The following LRFN5 variants were observed in gnomAD, a reference collection of about 807,000 sequenced individuals.
The protein encoded by LRFN5 is leucine-rich repeat and fibronectin type-III domain-containing protein 5.
A neutral mutation model predicts 45.6 loss-of-function variants in LRFN5; 24 were observed. That is an observed-to-expected ratio of 0.53 (90% confidence interval 0.38 to 0.74). The LOEUF (loss-of-function observed/expected upper bound fraction) is 0.74, where lower values mean the gene tolerates loss of function less well. LRFN5 is among the 30% of genes least tolerant of loss of function. The pLI is 0.00. For missense variants in LRFN5, 776 were observed against 861.5 expected (o/e 0.90, Z 1.24); for synonymous variants, 340 against 313.8 (o/e 1.08, Z -0.88).
chr14:41,679,081 C>T (rs1406345814), intron 1 of LRFN5, among the ~76,000 whole-genome samples: 1 of 152,032 alleles, frequency 6.6e-6, no homozygotes, highest in East Asian at 1.9e-4. Flanking sequence ...AGAGGGGAAT[C>T]ATCAATCCCA....
intron 2 of LRFN5, among the ~76,000 whole-genome samples, chr14:41,876,862 T>C (rs142263442): frequency 6.6e-6 from 1 of 152,276 alleles, no homozygotes; most frequent in Non-Finnish European, 1.5e-5. Context: ...GAGACACTTG[T>C]TGAAATCACT....
intron 2 of LRFN5, among the ~76,000 whole-genome samples, chr14:41,769,226 G>A (rs1046033661): frequency 6.6e-6 from 1 of 152,262 alleles, no homozygotes; most frequent in African/African-American, 2.4e-5. Flanking sequence ...ACAGTGAATG[G>A]AGTAGTAGTA....
intron 2 of LRFN5, among the ~76,000 whole-genome samples, chr14:41,782,548 T>C (rs4502128): frequency 0.5 from 75,567 of 151,952 alleles, 19,456 homozygotes; most frequent in East Asian, 0.91. Flanking sequence ...TTGCTTTGTC[T>C]CTTTAAACTG....
rs1885015143 is a variant in LRFN5 at position 41,748,674 on chromosome 14, T to A, written c.-196-18180T>A. Among the ~76,000 whole-genome samples the A allele has an allele frequency of 2.0e-5, 3 of 151,974 alleles. No individual in the cohort carries two copies. In the South Asian group the frequency reaches 6.2e-4, roughly 31 times the overall value. On this transcript the variant is annotated intron_variant, in intron 1 of 5. Transcript: ENST00000298119. The stretch of plus-strand genomic sequence containing the variant: ...AATGTGTTGTGCATTTTTACCCCAA[T>A]ATTAAAAACTCAGAAAAAAATGTAT...
At chr14:41,714,710 A>G (rs1883419852) in intron 1 of LRFN5, among the ~76,000 whole-genome samples, 1 of 152,142 alleles carries the variant, frequency 6.6e-6, no homozygotes, top group Non-Finnish European at 1.5e-5. Flanking sequence ...GTTCAAGACC[A>G]GCCTGAGCAC....
intron 1 of LRFN5, among the ~76,000 whole-genome samples, chr14:41,724,859 T>A (rs1883865713): frequency 6.6e-6 from 1 of 152,216 alleles, no homozygotes; most frequent in South Asian, 2.1e-4. Context: ...TTTTTCCTAC[T>A]GTTTGAACTT....
intron 1 of LRFN5, among the ~76,000 whole-genome samples, chr14:41,669,357 A>G (rs949528379): frequency 1.3e-5 from 2 of 152,054 alleles, no homozygotes; most frequent in South Asian, 2.1e-4. Context: ...GAAAGGGAAA[A>G]TATGACTAAG....
intron 1 of LRFN5, among the ~76,000 whole-genome samples, chr14:41,741,969 T>G (rs1884714702): frequency 6.6e-6 from 1 of 151,728 alleles, no homozygotes; most frequent in Non-Finnish European, 1.5e-5. Context: ...CAATGAGATA[T>G]CACCTCACAC....
At chr14:41,723,027 G>A (rs997542338) in intron 1 of LRFN5, among the ~76,000 whole-genome samples, 2 of 152,218 alleles carry the variant, frequency 1.3e-5, no homozygotes, top group Non-Finnish European at 2.9e-5. Context: ...TCTCTGCATA[G>A]TAGGTGGGGT....
chr14:41,864,603 C>T (rs907238929), intron 2 of LRFN5, among the ~76,000 whole-genome samples: 1 of 152,146 alleles, frequency 6.6e-6, no homozygotes, highest in African/African-American at 2.4e-5. Context: ...CTGCAGTAAC[C>T]TTATCACCAA....
intron 1 of LRFN5, among the ~76,000 whole-genome samples, chr14:41,653,427 A>G (rs754095130): frequency 9.2e-5 from 14 of 152,182 alleles, no homozygotes; most frequent in Non-Finnish European, 1.9e-4. Flanking sequence ...GAATCCTAAT[A>G]TTAAACTTTC....
chr14:41,756,063 T>C (rs1689792537), intron 1 of LRFN5, among the ~76,000 whole-genome samples: 3 of 152,170 alleles, frequency 2.0e-5, no homozygotes, highest in Admixed American at 2.0e-4. Flanking sequence ...GGGTTGAAAA[T>C]TCTTTTGTTT....
chr14:41,740,475 C>T (rs549210608), intron 1 of LRFN5, among the ~76,000 whole-genome samples: 3 of 151,766 alleles, frequency 2.0e-5, no homozygotes, highest in Non-Finnish European at 4.4e-5. Flanking sequence ...TCAATAGATA[C>T]AGAAAAAACA....
intron 5 of LRFN5, among the ~76,000 whole-genome samples, chr14:41,900,576 C>A (rs1421639182): frequency 6.6e-6 from 1 of 152,054 alleles, no homozygotes; most frequent in East Asian, 1.9e-4. Context: ...ACTTAAGCTA[C>A]CTTGTTCCTC....
At chr14:41,702,992 G>A (rs1882901860) in intron 1 of LRFN5, among the ~76,000 whole-genome samples, 1 of 152,030 alleles carries the variant, frequency 6.6e-6, no homozygotes. Flanking sequence ...AAATTCGAAT[G>A]TGTGACAATT....
At chr14:41,762,137 G>GAA (rs60675317) in intron 1 of LRFN5, among the ~76,000 whole-genome samples, 39 of 101,370 alleles carry the variant, frequency 3.8e-4, no homozygotes, top group Non-Finnish European at 6.1e-4. Context: ...TTCACACCCT[G>GAA]AAAAAAAAAA....
intron 1 of LRFN5, among the ~76,000 whole-genome samples, chr14:41,698,300 A>G (rs1014315674): frequency 6.6e-6 from 1 of 152,102 alleles, no homozygotes; most frequent in African/African-American, 2.4e-5. Context: ...AACAAGCAGC[A>G]TTCACTTTCT....
chr14:41,673,024 TGTTA>T (rs573566569), intron 1 of LRFN5, among the ~76,000 whole-genome samples: 96 of 150,700 alleles, frequency 6.4e-4, no homozygotes, highest in Non-Finnish European at 1.1e-3. Context: ...TTTATGATTT[TGTTA>T]TTTATTTATT....
chr14:41,624,134 C>T (rs1888238202), intron 1 of LRFN5, among the ~76,000 whole-genome samples: 1 of 152,004 alleles, frequency 6.6e-6, no homozygotes, highest in Admixed American at 6.6e-5. Flanking sequence ...TTGAAATAAC[C>T]TCTACTCCTA....
Sources: allele counts gnomAD v4.1 joint callset (sites outside exome capture counted in the v4.1 genomes callset), GRCh38; gene constraint gnomAD v4.1.1; transcripts MANE v1.5; gene names NCBI Gene and HGNC (gene_info 2026-07-23, HGNC 2026-07-21).